IGFBP2: variants seen among roughly 807,000 people sequenced by gnomAD.
IGFBP2 encodes insulin-like growth factor-binding protein 2.
IGFBP2 carries 12 observed loss-of-function variants against 26.2 expected under a neutral mutation model. The observed-to-expected ratio is 0.46, with a 90% CI of 0.29 to 0.74. IGFBP2 has a LOEUF of 0.74. Ranked by LOEUF, IGFBP2 falls within the 30% of genes least tolerant of loss-of-function variation. The pLI, the probability that IGFBP2 is intolerant of heterozygous loss-of-function variation, is 0.09. For missense variants in IGFBP2, 328 were observed against 441.2 expected, an observed-to-expected ratio of 0.74 and a Z score of 2.30; for synonymous variants, 189 against 200.6, an observed-to-expected ratio of 0.94 and a Z score of 0.49.
At chr2:216,647,831 G>GT (rs1405667799) in intron 1 of IGFBP2, among the ~76,000 whole-genome samples, 3 of 151,878 alleles carry the variant, frequency 2.0e-5, no homozygotes, top group African/African-American at 4.8e-5. Flanking sequence ...TTATTTATTT[G>GT]TTTTTTTGAG....
intron 1 of IGFBP2, among the ~76,000 whole-genome samples, chr2:216,646,887 A>G (rs1697720104): frequency 6.6e-6 from 1 of 152,238 alleles, no homozygotes; most frequent in Non-Finnish European, 1.5e-5. Flanking sequence ...AAACCATATC[A>G]GATGGTCACC....
intron 1 of IGFBP2, among the ~76,000 whole-genome samples, chr2:216,657,028 G>A (rs1469409679): frequency 6.6e-6 from 1 of 152,226 alleles, no homozygotes; most frequent in African/African-American, 2.4e-5. Context: ...GGGTTCGGGT[G>A]AGGGCGAACT....
chr2:216,648,085 G>A (rs1385346265), intron 1 of IGFBP2, among the ~76,000 whole-genome samples: 20 of 152,210 alleles, frequency 1.3e-4, no homozygotes, highest in Admixed American at 1.3e-3. Context: ...TATCAGATTT[G>A]TTTTGTTCTT....
chr2:216,660,399 C>T lies in IGFBP2; in HGVS notation c.443-158C>T, dbSNP rs1488070203. Among the ~76,000 whole-genome samples, 4 of 152,134 alleles carry T rather than the reference C, an allele frequency of 2.6e-5. No individual in the cohort carries two copies. In the South Asian group the frequency reaches 8.3e-4, roughly 32 times the overall value. On this transcript the variant is annotated intron_variant, in intron 1 of 3. Coordinates refer to ENST00000233809, the MANE Select transcript of IGFBP2 (RefSeq NM_000597.3). ...TAGGGTGAAGCTGAAATTGATCATC[C>T]ATATAAATTGCTCAGCACGGGCCCT... is the stretch of plus-strand genomic sequence containing the variant.
intron 1 of IGFBP2, among the ~76,000 whole-genome samples, chr2:216,646,736 A>C (rs1697716394): frequency 6.6e-6 from 1 of 152,178 alleles, no homozygotes; most frequent in Admixed American, 6.5e-5. Context: ...ATCAGATCTC[A>C]TGAGACTTGT....
rs9341220 is a variant in IGFBP2, at chr2:216,664,148, T to C, written c.*44T>C. On this transcript the variant is annotated 3_prime_UTR_variant, in exon 4 of 4. Transcript: ENST00000233809. The surrounding 1 kb of genome is among the most constrained non-coding windows in gnomAD (Gnocchi z 4.6). ...CTGGCGCCCCTGCCCCCCGCCCCTC[T>C]CCAAACACCGGCAGAAAACGGAGAG... 7 of 1,467,272 alleles carry C rather than the reference T, an allele frequency of 4.8e-6. No individual in the cohort carries two copies. In the African/African-American group the frequency reaches 8.4e-5, roughly 18 times the overall value. The allele number at this position is 1,467,272 out of a possible 1,614,324, so 90.9% of individuals were successfully genotyped here.
chr2:216,657,180 G>C (rs1048532161), intron 1 of IGFBP2, among the ~76,000 whole-genome samples: 1 of 152,174 alleles, frequency 6.6e-6, no homozygotes, highest in Non-Finnish European at 1.5e-5. Flanking sequence ...TGTGTTTTTG[G>C]TGTCTGCAGA....
intron 1 of IGFBP2, among the ~76,000 whole-genome samples, chr2:216,653,802 CTT>C (rs1399561987): frequency 6.6e-6 from 1 of 152,126 alleles, no homozygotes; most frequent in Non-Finnish European, 1.5e-5. Context: ...AAAGCTTGAC[CTT>C]CTATATGTGA....
chr2:216,640,723 G>A (rs1301136020), intron 1 of IGFBP2, among the ~76,000 whole-genome samples: 1 of 152,252 alleles, frequency 6.6e-6, no homozygotes, highest in Non-Finnish European at 1.5e-5. Flanking sequence ...GAGTTGGGCT[G>A]TTGGTAGAGA....
At chr2:216,655,737 A>G (rs568312116) in intron 1 of IGFBP2, among the ~76,000 whole-genome samples, 4 of 152,048 alleles carry the variant, frequency 2.6e-5, no homozygotes, top group Non-Finnish European at 5.9e-5. Context: ...TGTACTAAAA[A>G]TACAAATATT....
intron 1 of IGFBP2, among the ~76,000 whole-genome samples, chr2:216,656,768 A>C (rs2106203484): frequency 6.6e-6 from 1 of 152,254 alleles, no homozygotes; most frequent in East Asian, 1.9e-4. Flanking sequence ...GCCTTCACCC[A>C]AGCCACTTCC....
chr2:216,649,278 T>G (rs1296741139), intron 1 of IGFBP2, among the ~76,000 whole-genome samples: 1 of 152,242 alleles, frequency 6.6e-6, no homozygotes, highest in Non-Finnish European at 1.5e-5. Flanking sequence ...CTGCTATATA[T>G]TGTTCCTTTG....
At position 216,633,825 on chromosome 2, in the gene IGFBP2, A is replaced by T; in HGVS notation, c.302A>T (p.Tyr101Phe). 6.5e-7 allele frequency: 1 copy of T among 1,532,484 alleles called. No homozygotes were observed. Among genetic ancestry groups the T allele is most frequent in the Non-Finnish European group, 8.7e-7 (1 of 1,145,352 alleles). The allele number at this position is 1,532,484 out of a possible 1,614,324, so 94.9% of individuals were successfully genotyped here. Residue 101 changes from tyrosine (Y) to phenylalanine (F), a missense_variant, in exon 1 of 4, where the codon TAC (tyrosine) becomes TTC (phenylalanine). Transcript: ENST00000233809. ...ARLEGEACGVYTPRCGQGLRC... is the reference protein window; with the variant it reads ...ARLEGEACGVFTPRCGQGLRC... ...CTGGAGGGCGAGGCGTGCGGCGTCT[A>T]CACCCCGCGCTGCGGCCAGGGGCTG...
chr2:216,648,727 G>A (rs1464396917), intron 1 of IGFBP2, among the ~76,000 whole-genome samples: 1 of 152,108 alleles, frequency 6.6e-6, no homozygotes, highest in Non-Finnish European at 1.5e-5. Flanking sequence ...TTCTGCCTCA[G>A]CCTCCTGAGT....
At chr2:216,633,169 C>T (rs1401793884), upstream of IGFBP2, among the ~76,000 whole-genome samples, 2 of 152,140 alleles carry the variant, frequency 1.3e-5, no homozygotes, top group Non-Finnish European at 2.9e-5. Context: ...CCCAAACCCG[C>T]GAGTTATCCG....
intron 1 of IGFBP2, among the ~76,000 whole-genome samples, chr2:216,655,115 A>G (rs1697894047): frequency 6.6e-6 from 1 of 152,130 alleles, no homozygotes; most frequent in Non-Finnish European, 1.5e-5. Context: ...TGGCATGATC[A>G]TGGCTCACTG....
intron 1 of IGFBP2, among the ~76,000 whole-genome samples, chr2:216,648,807 C>T (rs1357830319): frequency 6.6e-6 from 1 of 152,014 alleles, no homozygotes; most frequent in African/African-American, 2.4e-5. Flanking sequence ...CGGGGTTTCA[C>T]CATATTGGCC....
rs931300165 is a variant in IGFBP2, at chr2:216,661,245, G to A, written c.672+459G>A. On this transcript the variant is annotated intron_variant, in intron 2 of 3. Coordinates refer to ENST00000233809, the MANE Select transcript of IGFBP2 (RefSeq NM_000597.3). ...AGCCTCCTGAACAGCTGGGACTATAGGCATGCACCACCACACCTGGCCAGT... is the reference window on the plus strand; with the variant it reads ...AGCCTCCTGAACAGCTGGGACTATAAGCATGCACCACCACACCTGGCCAGT... 3.4e-5 allele frequency: 9 copies of A among 262,734 alleles called. 1 individual carries two copies. The Admixed American group carries it at 4.6e-4, about 14-fold the overall frequency. The allele number at this position is 262,734 out of a possible 1,614,324, so 16.3% of individuals were successfully genotyped here.
chr2:216,663,233 A>G (rs1385225216), intron 3 of IGFBP2: 1 of 152,192 alleles, frequency 6.6e-6, no homozygotes, highest in Non-Finnish European at 1.5e-5. Flanking sequence ...AGTCTCGATC[A>G]CTTCTCATGG....
Sources: allele counts gnomAD v4.1 joint callset (sites outside exome capture counted in the v4.1 genomes callset), GRCh38; gene constraint gnomAD v4.1.1; non-coding constraint Gnocchi (gnomAD v3.1); transcripts MANE v1.5; gene names NCBI Gene and HGNC (gene_info 2026-07-23, HGNC 2026-07-21).